The following CCBE1 variants were observed in gnomAD, a reference collection of about 807,000 sequenced individuals.
CCBE1 encodes the protein collagen and calcium-binding EGF domain-containing protein 1.
Under a neutral mutation model 50.0 loss-of-function variants are expected in CCBE1, and 37 were observed. The ratio of observed to expected loss-of-function variants is 0.74; its 90% CI spans 0.57 to 0.97. The LOEUF (loss-of-function observed/expected upper bound fraction) is 0.97. CCBE1 is among the 50% of genes least tolerant of loss of function. The pLI is 0.00. For synonymous variants in CCBE1, 234 were observed against 203.7 expected, an observed-to-expected ratio of 1.15 and a Z score of -1.27; for missense variants, 538 against 523.8, an observed-to-expected ratio of 1.03 and a Z score of -0.26.
At chr18:59,564,001 A>G (rs925453384) in intron 2 of CCBE1, 5 of 152,166 alleles carry the variant, frequency 3.3e-5, no homozygotes, top group African/African-American at 1.2e-4. Context: ...TGCTGAGTAG[A>G]AAGTTCCAGA....
chr18:59,664,989 A>G (rs1363770980), intron 2 of CCBE1, among the ~76,000 whole-genome samples: 1 of 152,082 alleles, frequency 6.6e-6, no homozygotes, highest in Non-Finnish European at 1.5e-5. Context: ...TAGGAGTTGC[A>G]TTTTCTTGTG....
intron 2 of CCBE1, among the ~76,000 whole-genome samples, chr18:59,484,520 G>A (rs1912722925): frequency 6.6e-6 from 1 of 152,168 alleles, no homozygotes; most frequent in Non-Finnish European, 1.5e-5. Flanking sequence ...GCATTTCAAG[G>A]GCTTAGGACT....
chr18:59,478,161 T>A (rs1912400223), intron 3 of CCBE1, among the ~76,000 whole-genome samples: 1 of 152,122 alleles, frequency 6.6e-6, no homozygotes, highest in Admixed American at 6.5e-5. Context: ...CCTGGATCTC[T>A]TGCCTGCCTG....
chr18:59,583,576 A>T (rs1182412910), intron 2 of CCBE1, among the ~76,000 whole-genome samples: 1 of 151,992 alleles, frequency 6.6e-6, no homozygotes, highest in African/African-American at 2.4e-5. Flanking sequence ...ATCAATTTCC[A>T]TTGAGATTTA....
intron 2 of CCBE1, among the ~76,000 whole-genome samples, chr18:59,655,759 C>T (rs1043861819): frequency 6.6e-6 from 1 of 152,168 alleles, no homozygotes; most frequent in Non-Finnish European, 1.5e-5. Flanking sequence ...TACGGAGGGC[C>T]CACTGACAAC....
At chr18:59,620,111 A>G (rs559819833) in intron 2 of CCBE1, among the ~76,000 whole-genome samples, 1 of 152,302 alleles carries the variant, frequency 6.6e-6, no homozygotes, top group South Asian at 2.1e-4. Context: ...GGGAGAAGGA[A>G]CATGCACATG....
chr18:59,642,628 A>G (rs999978187), intron 2 of CCBE1, among the ~76,000 whole-genome samples: 6 of 152,224 alleles, frequency 3.9e-5, no homozygotes, highest in African/African-American at 1.4e-4. Context: ...CAGTGAAAAT[A>G]GTCAACTGCA....
At chr18:59,654,943 C>T (rs2054169149) in intron 2 of CCBE1, among the ~76,000 whole-genome samples, 1 of 151,804 alleles carries the variant, frequency 6.6e-6, no homozygotes, top group Non-Finnish European at 1.5e-5. Context: ...AAAAGTTAGC[C>T]AGGCATGGGG....
intron 2 of CCBE1, among the ~76,000 whole-genome samples, chr18:59,640,174 G>A (rs76584431): frequency 5.6e-4 from 85 of 152,280 alleles, no homozygotes; most frequent in African/African-American, 2.0e-3. Flanking sequence ...AGTCTGAATA[G>A]CCAAGGCGAT....
At chr18:59,509,037 G>T (rs909211711) in intron 2 of CCBE1, among the ~76,000 whole-genome samples, 5 of 152,074 alleles carry the variant, frequency 3.3e-5, no homozygotes, top group African/African-American at 9.7e-5. Context: ...CTTCTTAAAG[G>T]CAACATTTTT....
At chr18:59,437,438 C>G (rs1476121030) in intron 10 of CCBE1, among the ~76,000 whole-genome samples, 1 of 152,204 alleles carries the variant, frequency 6.6e-6, no homozygotes, top group Non-Finnish European at 1.5e-5. Flanking sequence ...GGCAAGAATG[C>G]CCAGAGACCC....
intron 2 of CCBE1, among the ~76,000 whole-genome samples, chr18:59,534,786 C>T (rs996076447): frequency 3.9e-5 from 6 of 152,160 alleles, no homozygotes; most frequent in African/African-American, 1.4e-4. Context: ...TCTAGAGCTG[C>T]GTAGCCTGGA....
At chr18:59,543,562 G>A (rs1915552952) in intron 2 of CCBE1, among the ~76,000 whole-genome samples, 2 of 152,144 alleles carry the variant, frequency 1.3e-5, no homozygotes, top group South Asian at 4.1e-4. Flanking sequence ...GAGGCCGGGC[G>A]CGGTGGCTCA....
intron 2 of CCBE1, among the ~76,000 whole-genome samples, chr18:59,496,709 C>G (rs541112009): frequency 6.6e-6 from 1 of 152,206 alleles, no homozygotes; most frequent in African/African-American, 2.4e-5. Context: ...GGCAAGCTGT[C>G]CAAGATCCAG....
At chr18:59,540,792 A>G (rs1186072351) in intron 2 of CCBE1, among the ~76,000 whole-genome samples, 1 of 152,244 alleles carries the variant, frequency 6.6e-6, no homozygotes, top group African/African-American at 2.4e-5. Context: ...TTAAGTACTC[A>G]TAACAGATTA....
At chr18:59,437,367 C>G (rs1416695735) in intron 10 of CCBE1, among the ~76,000 whole-genome samples, 1 of 152,178 alleles carries the variant, frequency 6.6e-6, no homozygotes. Context: ...TCATTTGACC[C>G]TCACAGTAGC....
At chr18:59,606,326 C>A (rs753386699) in intron 2 of CCBE1, among the ~76,000 whole-genome samples, 15 of 152,180 alleles carry the variant, frequency 9.9e-5, no homozygotes, top group Non-Finnish European at 2.1e-4. Flanking sequence ...AGCAGCGAGG[C>A]ATCTGGGACA....
rs117507253 is a variant in CCBE1 at position 59,592,560 on chromosome 18, G to A, written c.212+104069C>T. Among the ~76,000 whole-genome samples, 557 of 152,292 alleles carry A rather than the reference G, an allele frequency of 3.7e-3. 5 individuals carry two copies. The highest frequency in any genetic ancestry group is 4.8e-3 in the Non-Finnish European group (329 of 68,024). On this transcript the variant is annotated intron_variant, in intron 2 of 10. Coordinates refer to ENST00000439986, the MANE Select transcript of CCBE1 (RefSeq NM_133459.4). The stretch of plus-strand genomic sequence containing the variant: ...TATATTGATAAGCAAAGAAAGCCAA[G>A]TGCAAATGCACACACTGTATGCCAA...
At chr18:59,553,281 A>G (rs1599007363) in intron 2 of CCBE1, among the ~76,000 whole-genome samples, 1 of 152,238 alleles carries the variant, frequency 6.6e-6, no homozygotes, top group Non-Finnish European at 1.5e-5. Flanking sequence ...TTGATGCAAC[A>G]CAGTCTCATT....
Sources: allele counts gnomAD v4.1 joint callset (sites outside exome capture counted in the v4.1 genomes callset), GRCh38; gene constraint gnomAD v4.1.1; transcripts MANE v1.5; gene names NCBI Gene and HGNC (gene_info 2026-07-23, HGNC 2026-07-21).